PDE12: variants seen among roughly 807,000 people sequenced by gnomAD.
PDE12 encodes phosphodiesterase 12.
PDE12 carries 26 observed loss-of-function variants against 45.4 expected under a neutral mutation model. The ratio of observed to expected loss-of-function variants is 0.57; its 90% CI spans 0.42 to 0.79. The LOEUF (loss-of-function observed/expected upper bound fraction) is 0.79, where lower values mean the gene tolerates loss of function less well. PDE12 is among the 30% of genes least tolerant of loss of function. The probability of loss-of-function intolerance (pLI) is 0.00; values close to 1 mark genes in which losing one functional copy is unlikely to be tolerated. For missense variants in PDE12, 668 were observed against 790.0 expected (o/e 0.85, Z 1.85); for synonymous variants, 283 against 323.9 (o/e 0.87, Z 1.36).
At chr3:57,613,014 T>A in the PDE12 span, among the ~76,000 whole-genome samples, 1 of 152,118 alleles carries the variant, frequency 6.6e-6, no homozygotes, top group Non-Finnish European at 1.5e-5. Flanking sequence ...GGAGTCTCGC[T>A]CTGTTACCCA....
At chr3:57,588,265 C>T in the PDE12 span, among the ~76,000 whole-genome samples, 1 of 152,200 alleles carries the variant, frequency 6.6e-6, no homozygotes, top group East Asian at 1.9e-4. Context: ...AGCAGGAAAA[C>T]TACCTCAGAA....
chr3:57,645,153 A>T, the PDE12 span, among the ~76,000 whole-genome samples: 2 of 152,138 alleles, frequency 1.3e-5, no homozygotes, highest in Non-Finnish European at 2.9e-5. Context: ...ATGACAATAT[A>T]GCTTCCATTA....
the PDE12 span, among the ~76,000 whole-genome samples, chr3:57,601,851 T>A: frequency 6.6e-6 from 1 of 151,196 alleles, no homozygotes; most frequent in African/African-American, 2.4e-5. Context: ...TTCAGGTGAT[T>A]CTCCTGCCTC....
chr3:57,603,953 C>G, the PDE12 span, among the ~76,000 whole-genome samples: 1 of 140,588 alleles, frequency 7.1e-6, no homozygotes, highest in Admixed American at 7.5e-5. Flanking sequence ...GAGATGGAGT[C>G]TCACTCTGTT....
chr3:57,569,060 G>A (rs1272442419), downstream of PDE12, among the ~76,000 whole-genome samples: 1 of 152,052 alleles, frequency 6.6e-6, no homozygotes, highest in Non-Finnish European at 1.5e-5. Context: ...AATAGGGGCG[G>A]TCACAGAGAA....
the PDE12 span, chr3:57,597,157 G>A: frequency 6.2e-7 from 1 of 1,610,968 alleles, no homozygotes; most frequent in Non-Finnish European, 8.5e-7. Flanking sequence ...AGTGGCACTT[G>A]TGATGGGCAG....
At chr3:57,626,616 G>A in the PDE12 span, 4 of 152,186 alleles carry the variant, frequency 2.6e-5, no homozygotes, top group African/African-American at 9.7e-5. Context: ...GGCTGAGGCA[G>A]GACAATCACT....
the PDE12 span, among the ~76,000 whole-genome samples, chr3:57,632,953 C>A: frequency 2.6e-5 from 4 of 152,086 alleles, no homozygotes; most frequent in Non-Finnish European, 5.9e-5. Flanking sequence ...GTAGTAACTA[C>A]ATAACATTTC....
the PDE12 span, chr3:57,634,698 C>G: frequency 6.5e-7 from 1 of 1,538,150 alleles, no homozygotes. Context: ...CAATAAAAGT[C>G]AATACCAGGT....
the PDE12 span, among the ~76,000 whole-genome samples, chr3:57,617,173 A>C: frequency 6.6e-6 from 1 of 150,632 alleles, no homozygotes; most frequent in Non-Finnish European, 1.5e-5. Context: ...GGGAGGCTGA[A>C]GCGGGAGGAT....
At chr3:57,654,630 G>A in the PDE12 span, 1 of 984,474 alleles carries the variant, frequency 1.0e-6, no homozygotes, top group East Asian at 1.1e-4. Flanking sequence ...ACAGAAAACT[G>A]CCCTTCAATT....
chr3:57,634,928 TAAA>T, the PDE12 span, among the ~76,000 whole-genome samples: 1 of 152,278 alleles, frequency 6.6e-6, no homozygotes, highest in African/African-American at 2.4e-5. Context: ...CTTGGTATTT[TAAA>T]ACTGGATAAC....
At chr3:57,653,943 T>G in the PDE12 span, among the ~76,000 whole-genome samples, 8 of 108,126 alleles carry the variant, frequency 7.4e-5, no homozygotes, top group African/African-American at 2.3e-4. Flanking sequence ...GAAATTCACT[T>G]TTTTTTTTTT....
chr3:57,579,981 G>A, the PDE12 span, among the ~76,000 whole-genome samples: 2 of 152,008 alleles, frequency 1.3e-5, no homozygotes, highest in Non-Finnish European at 2.9e-5. Context: ...CATGTCTATA[G>A]TCCTAGCTAC....
the PDE12 span, among the ~76,000 whole-genome samples, chr3:57,576,504 C>CTTT: frequency 1.1e-3 from 111 of 101,562 alleles, 1 homozygote; most frequent in South Asian, 2.0e-3. Context: ...CTCAACCAAG[C>CTTT]TTTTTTTTTT....
the PDE12 span, among the ~76,000 whole-genome samples, chr3:57,645,996 T>C: frequency 6.6e-6 from 1 of 152,218 alleles, no homozygotes; most frequent in African/African-American, 2.4e-5. Context: ...TACTGTTCAC[T>C]AGCTATGTGC....
At chr3:57,558,414 T>C (rs1384538988) in intron 1 of PDE12, among the ~76,000 whole-genome samples, 2 of 152,186 alleles carry the variant, frequency 1.3e-5, no homozygotes, top group Non-Finnish European at 2.9e-5. Flanking sequence ...GTGCTTACGC[T>C]TGAAAACACT....
At chr3:57,570,816 A>G (rs1182047186), downstream of PDE12, among the ~76,000 whole-genome samples, 2 of 152,182 alleles carry the variant, frequency 1.3e-5, no homozygotes, top group East Asian at 3.8e-4. Context: ...TAGCATCACT[A>G]AGTCTCTATA....
the PDE12 span, chr3:57,641,580 T>C: frequency 7.7e-7 from 1 of 1,293,866 alleles, no homozygotes; most frequent in Non-Finnish European, 1.1e-6. Context: ...TAAAAAATAA[T>C]CAAGGATGAA....
Sources: allele counts gnomAD v4.1 joint callset (sites outside exome capture counted in the v4.1 genomes callset), GRCh38; gene constraint gnomAD v4.1.1; transcripts MANE v1.5; gene names NCBI Gene and HGNC (gene_info 2026-07-23, HGNC 2026-07-21).